The following TNC variants were observed in gnomAD, a reference collection of about 807,000 sequenced individuals.
TNC encodes tenascin C.
A neutral mutation model predicts 202.4 loss-of-function variants in TNC; 109 were observed. That is an observed-to-expected ratio of 0.54 (90% CI 0.46 to 0.63). TNC has a LOEUF of 0.63. Ranked by LOEUF, TNC falls within the 30% of genes least tolerant of loss-of-function variation. The probability of loss-of-function intolerance (pLI) is 0.00; values close to 1 mark genes in which losing one functional copy is unlikely to be tolerated. For synonymous variants in TNC, 1,007 were observed against 1,089.7 expected, an observed-to-expected ratio of 0.92 and a Z score of 1.50; for missense variants, 2,756 against 2,833.3, an observed-to-expected ratio of 0.97 and a Z score of 0.62.
chr9:115,024,183 T>A, intron 26 of TNC, 47 bp from the exon 27 acceptor site: 1 of 1,597,452 alleles, frequency 6.3e-7, no homozygotes, highest in Non-Finnish European at 8.6e-7. Flanking sequence ...AGCTGAAATT[T>A]CCCTCCTGGA....
At position 115,051,822 on chromosome 9, in the gene TNC, G is replaced by T. The variant is rs147752071; in HGVS notation, c.4580-3290C>A. On this transcript the variant is annotated intron_variant, in intron 15 of 27. Coordinates refer to ENST00000350763, the MANE Select transcript of TNC (RefSeq NM_002160.4). ...AGGGATAAAACAGCCAATAAAACTG[G>T]GCACAAAAAACCCTAAAAGCTTTAT... Among the ~76,000 whole-genome samples the T allele has an allele frequency of 2.1e-3, 323 of 151,656 alleles. 1 individual carries two copies. Among genetic ancestry groups the T allele is most frequent in the African/African-American group, 7.3e-3 (302 of 41,412 alleles).
chr9:115,081,965 G>A (rs147456625), intron 5 of TNC, 37 bp from the exon 6 acceptor site: 2 of 1,543,584 alleles, frequency 1.3e-6, no homozygotes, highest in East Asian at 2.3e-5. Flanking sequence ...AGTTAGGGGA[G>A]GTGCCAGTCT....
Position 115,036,321 on chromosome 9 carries a change from C to T in TNC, c.5513-80G>A, listed in dbSNP as rs1830329750. On this transcript the variant is annotated intron_variant, in intron 20 of 27. Transcript: ENST00000350763. The stretch of plus-strand genomic sequence containing the variant: ...GTGGGCTTGGCAAACCACATACACA[C>T]CTCCTTCGAACATCGAAACTTTCAG... 8.7e-6 allele frequency: 13 copies of T among 1,499,640 alleles called. No homozygotes were observed. The South Asian group carries it at 1.6e-4, about 18-fold the overall frequency. The allele number at this position is 1,499,640 out of a possible 1,614,324, so 92.9% of individuals were successfully genotyped here.
intron 25 of TNC, among the ~76,000 whole-genome samples, chr9:115,028,254 A>G (rs1429576635): frequency 6.6e-6 from 1 of 152,018 alleles, no homozygotes; most frequent in African/African-American, 2.4e-5. Flanking sequence ...CTTTTGCAGC[A>G]TTCTTTCTTT....
Position 115,048,341 on chromosome 9 carries a change from T to A in TNC, c.4771A>T (p.Thr1591Ser), listed in dbSNP as rs763039667. The change falls in exon 16 of 28, where the codon ACT becomes TCT. Residue 1591 changes from threonine (T) to serine (S), a missense_variant. Physicochemically the swap from Thr to Ser is moderately conservative, Grantham distance 58. This residue lies in a region of TNC where 2,559 missense variants were observed against 2,546.0 expected (regional missense o/e 1.01). Coordinates refer to ENST00000350763, the MANE Select transcript of TNC (RefSeq NM_002160.4). Reference protein sequence around the residue: ...QRKLELRGLITGIGYEVMVSG... With the variant: ...QRKLELRGLISGIGYEVMVSG... ...ACCATAACCTCATAGCCAATGCCAGTTATGAGGCCTCTAAGCTCCAGCTTC... is the reference window on the plus strand; with the variant it reads ...ACCATAACCTCATAGCCAATGCCAGATATGAGGCCTCTAAGCTCCAGCTTC... 1 of 1,614,046 alleles carries A rather than the reference T, an allele frequency of 6.2e-7. No individual in the cohort carries two copies. The highest frequency in any genetic ancestry group is 1.1e-5 in the South Asian group (1 of 91,082).
At chr9:115,050,140 C>T (rs1308418118) in intron 15 of TNC, among the ~76,000 whole-genome samples, 1 of 152,152 alleles carries the variant, frequency 6.6e-6, no homozygotes. Context: ...TGATAGCTGG[C>T]CTCTTTGCAC....
At chr9:115,106,224 A>G (rs780728056) in intron 1 of TNC, among the ~76,000 whole-genome samples, 3 of 152,134 alleles carry the variant, frequency 2.0e-5, no homozygotes, top group Non-Finnish European at 2.9e-5. Context: ...GGAATTAGGG[A>G]GCATTGTTTG....
rs755784999 is a variant in TNC at position 115,031,593 on chromosome 9, C to A, written c.5880G>T (p.Gly1960=). 3.1e-6 allele frequency: 5 copies of A among 1,609,220 alleles called. No individual in the cohort carries two copies. Among genetic ancestry groups the A allele is most frequent in the Non-Finnish European group, 2.5e-6 (3 of 1,177,740 alleles). ...HYTAKIQALN[G]PLRSNMIQTI... ...TCTGGATCATATTGCTCCTCAGGGG[C>A]CCATTGAGTGCCTGGATCTTGGCTG... The change falls in exon 23 of 28, where the codon GGG becomes GGT. Residue 1960 remains glycine (G), a synonymous_variant. Transcript: ENST00000350763.
chr9:115,077,139 A>C (rs1352919987), intron 7 of TNC, among the ~76,000 whole-genome samples: 3 of 152,136 alleles, frequency 2.0e-5, no homozygotes, highest in African/African-American at 7.2e-5. Flanking sequence ...GGCTCACTGC[A>C]AGCTCCACCT....
intron 22 of TNC, among the ~76,000 whole-genome samples, chr9:115,032,838 G>T (rs1830050931): frequency 6.6e-6 from 1 of 152,186 alleles, no homozygotes; most frequent in African/African-American, 2.4e-5. Flanking sequence ...CTGTACAGAG[G>T]AGGTCATTGG....
chr9:115,031,438 C>T (rs910712008), intron 23 of TNC, 115 bp downstream of exon 23: 11 of 1,199,706 alleles, frequency 9.2e-6, no homozygotes, highest in East Asian at 5.6e-5. Flanking sequence ...AGCAGTGAAT[C>T]GATTCTTTTC....
chr9:115,094,054 A>C (rs191856798), intron 1 of TNC, among the ~76,000 whole-genome samples: 121 of 152,288 alleles, frequency 7.9e-4, no homozygotes, highest in Non-Finnish European at 1.4e-3. Flanking sequence ...TTGACAAGCT[A>C]CTTATCCTCT....
intron 1 of TNC, among the ~76,000 whole-genome samples, chr9:115,096,168 G>A (rs1049865908): frequency 6.6e-6 from 1 of 152,148 alleles, no homozygotes; most frequent in Non-Finnish European, 1.5e-5. Flanking sequence ...CCCTGTCAAT[G>A]TCTCAAAAGC....
intron 15 of TNC, 129 bp downstream of exon 15, chr9:115,057,024 C>T (rs2132436098): frequency 1.7e-6 from 2 of 1,147,022 alleles, no homozygotes; most frequent in Non-Finnish European, 2.4e-6. Flanking sequence ...AAACAGCACC[C>T]CAGCCTAGCA....
intron 17 of TNC, among the ~76,000 whole-genome samples, chr9:115,044,020 G>C (rs1297465351): frequency 6.6e-6 from 1 of 152,192 alleles, no homozygotes. Flanking sequence ...TTGAGGTAGA[G>C]CCATGATGAA....
At chr9:115,083,778 T>C (rs1490323232) in intron 4 of TNC, among the ~76,000 whole-genome samples, 5 of 152,124 alleles carry the variant, frequency 3.3e-5, no homozygotes, top group Non-Finnish European at 5.9e-5. Context: ...CTAATTTTTG[T>C]ATTTTTAGTA....
intron 4 of TNC, 94 bp from the exon 5 acceptor site, chr9:115,082,901 C>A: frequency 1.2e-6 from 1 of 830,676 alleles, no homozygotes; most frequent in Non-Finnish European, 2.0e-6. Flanking sequence ...TGGATGTCTG[C>A]AACAGTCAGG....
rs10118726 is a variant in TNC, at chr9:115,035,246, G to T, written c.5745C>A (p.Thr1915=). ...CTGATTCATAGACCAGCAGGTAACC[G>T]GTGACTGATGCCCGGGGGGGTCGCC... is the stretch of plus-strand genomic sequence containing the variant. The part of the protein sequence containing the change: ...LTWRPPRASV[T]GYLLVYESVD... Residue 1915 remains threonine (T), a synonymous_variant, in exon 22 of 28, where the codon ACC becomes ACA. Transcript: ENST00000350763. The T allele has an allele frequency of 2.6e-3, 4,219 of 1,613,308 alleles. 96 individuals carry two copies. The African/African-American group carries it at 0.05, about 19-fold the overall frequency.
intron 5 of TNC, 69 bp from the exon 6 acceptor site, chr9:115,081,997 A>C (rs1301230490): frequency 1.5e-5 from 21 of 1,414,268 alleles, no homozygotes; most frequent in Non-Finnish European, 1.8e-5. Context: ...TGATTCATTC[A>C]CTCTGCATTC....
Sources: allele counts gnomAD v4.1 joint callset (sites outside exome capture counted in the v4.1 genomes callset), GRCh38; gene constraint gnomAD v4.1.1; regional missense constraint gnomAD v4.1.1; transcripts MANE v1.5; gene names NCBI Gene and HGNC (gene_info 2026-07-23, HGNC 2026-07-21).